PGM5: variants seen among roughly 807,000 people sequenced by gnomAD.
The protein encoded by PGM5 is phosphoglucomutase-like protein 5.
Under a neutral mutation model 59.2 loss-of-function variants are expected in PGM5, and 23 were observed. The ratio of observed to expected loss-of-function variants is 0.39; its 90% CI spans 0.28 to 0.55. The LOEUF (loss-of-function observed/expected upper bound fraction) is 0.55, where lower values mean the gene tolerates loss of function less well. PGM5 is among the 20% of genes least tolerant of loss of function. The pLI is 0.66. For synonymous variants in PGM5, 214 were observed against 286.0 expected (o/e 0.75, Z 2.54); for missense variants, 574 against 748.3 (o/e 0.77, Z 2.72).
chr9:68,514,782 T>C (rs1824800982), intron 10 of PGM5, among the ~76,000 whole-genome samples: 1 of 152,106 alleles, frequency 6.6e-6, no homozygotes, highest in Non-Finnish European at 1.5e-5. Context: ...TTTATAGGGG[T>C]GCCTGGCCTC....
At chr9:68,408,800 C>T (rs569707375) in intron 6 of PGM5, among the ~76,000 whole-genome samples, 1 of 152,298 alleles carries the variant, frequency 6.6e-6, no homozygotes, top group Admixed American at 6.5e-5. Flanking sequence ...TATGACTAGC[C>T]AGTTTTCCCA....
chr9:68,369,905 C>T (rs1381453630), intron 1 of PGM5, among the ~76,000 whole-genome samples: 3 of 152,138 alleles, frequency 2.0e-5, no homozygotes, highest in Non-Finnish European at 2.9e-5. Flanking sequence ...TGGATAACCA[C>T]ATTCATGCCT....
chr9:68,487,546 A>G lies in PGM5; in HGVS notation c.1479+3498A>G, dbSNP rs144649799. ...GTAATAATCAGTGTGCCCTAGGGTT[A>G]GAAAACCCTCACCCAACTCTTCTAT... On this transcript the variant is annotated intron_variant, in intron 9 of 10. Coordinates refer to ENST00000396396, the MANE Select transcript of PGM5 (RefSeq NM_021965.4). Among the ~76,000 whole-genome samples, 13 of 152,056 alleles carry G rather than the reference A, an allele frequency of 8.5e-5. No homozygotes were observed. In the East Asian group the frequency reaches 1.9e-3, roughly 23 times the overall value.
intron 6 of PGM5, chr9:68,395,745 T>C (rs1181163859): frequency 2.6e-5 from 4 of 152,182 alleles, no homozygotes; most frequent in African/African-American, 9.7e-5. Flanking sequence ...TTGCTGCTGG[T>C]GCTTTTTTGT....
chr9:68,450,279 C>CA lies in PGM5; in HGVS notation c.1044-14807dup, dbSNP rs113337856. Reference sequence around the variant, plus strand: ...AAAACAAAAACAAAAACAAAACAAACAAAAAAACCACTGCTTTTAAGTACT... The same window carrying CA: ...AAAACAAAAACAAAAACAAAACAAACAAAAAAAACCACTGCTTTTAAGTACT... On this transcript the variant is annotated intron_variant, in intron 6 of 10. Coordinates refer to ENST00000396396, the MANE Select transcript of PGM5 (RefSeq NM_021965.4). 3.0e-3 allele frequency among the ~76,000 whole-genome samples: 453 copies of CA among 152,094 alleles called. 4 individuals carry two copies. Among genetic ancestry groups the CA allele is most frequent in the African/African-American group, 8.6e-3 (357 of 41,490 alleles).
At chr9:68,528,155 T>G (rs1195457568) in intron 10 of PGM5, among the ~76,000 whole-genome samples, 1 of 152,244 alleles carries the variant, frequency 6.6e-6, no homozygotes, top group Non-Finnish European at 1.5e-5. Context: ...TACAGAATTT[T>G]TGTTTCTTCC....
Position 68,453,584 on chromosome 9 carries a change from T to C in PGM5, c.1044-11509T>C, listed in dbSNP as rs1215379614. 2.0e-5 allele frequency among the ~76,000 whole-genome samples: 3 copies of C among 152,270 alleles called. No individual in the cohort carries two copies. In the East Asian group the frequency reaches 5.8e-4, roughly 29 times the overall value. ...ACTCCTGGGCTCAAGCTATCCCCCC[T>C]CCTTGGCCTCCCAAAGTGTTGGGAT... On this transcript the variant is annotated intron_variant, in intron 6 of 10. Coordinates refer to ENST00000396396, the MANE Select transcript of PGM5 (RefSeq NM_021965.4).
At chr9:68,440,950 A>T (rs1554683654) in intron 6 of PGM5, among the ~76,000 whole-genome samples, 1 of 152,078 alleles carries the variant, frequency 6.6e-6, no homozygotes, top group Admixed American at 6.5e-5. Flanking sequence ...GAAGACACAA[A>T]TTATAAACAT....
intron 9 of PGM5, among the ~76,000 whole-genome samples, chr9:68,487,596 C>T (rs1396236392): frequency 6.6e-6 from 1 of 151,888 alleles, no homozygotes; most frequent in Non-Finnish European, 1.5e-5. Flanking sequence ...AAGTACTTTG[C>T]AGTAAAATTT....
intron 1 of PGM5, among the ~76,000 whole-genome samples, chr9:68,374,012 C>T (rs1326738999): frequency 1.3e-5 from 2 of 152,304 alleles, no homozygotes; most frequent in Non-Finnish European, 2.9e-5. Flanking sequence ...TGTCCAAATG[C>T]ACCATGTGGC....
chr9:68,376,792 T>C (rs1187872677), intron 1 of PGM5, among the ~76,000 whole-genome samples: 1 of 106,066 alleles, frequency 9.4e-6, no homozygotes, highest in Non-Finnish European at 1.9e-5. Context: ...TTTCTTTCTT[T>C]CTTTCTTTCT....
At chr9:68,367,285 G>A (rs1554676776) in intron 1 of PGM5, among the ~76,000 whole-genome samples, 1 of 150,842 alleles carries the variant, frequency 6.6e-6, no homozygotes, top group African/African-American at 2.4e-5. Flanking sequence ...GGCTCAGGCT[G>A]TGTTAAGAGC....
At chr9:68,372,825 G>A (rs1367999599) in intron 1 of PGM5, among the ~76,000 whole-genome samples, 2 of 152,048 alleles carry the variant, frequency 1.3e-5, no homozygotes, top group African/African-American at 4.8e-5. Flanking sequence ...AAGAGTGGGA[G>A]CAAGAGAACA....
chr9:68,489,044 G>A (rs1215419563), intron 9 of PGM5, among the ~76,000 whole-genome samples: 3 of 152,072 alleles, frequency 2.0e-5, no homozygotes, highest in Non-Finnish European at 4.4e-5. Flanking sequence ...AAACATCGAG[G>A]GTTTCCATCC....
chr9:68,362,557 T>C (rs1834596127), intron 1 of PGM5, among the ~76,000 whole-genome samples: 1 of 152,164 alleles, frequency 6.6e-6, no homozygotes, highest in Non-Finnish European at 1.5e-5. Flanking sequence ...TTTAAACGAA[T>C]TGTGGTTAAG....
intron 1 of PGM5, among the ~76,000 whole-genome samples, chr9:68,374,775 A>C (rs1283300519): frequency 1.3e-5 from 2 of 152,238 alleles, no homozygotes; most frequent in Non-Finnish European, 2.9e-5. Flanking sequence ...TATACTTACC[A>C]TATGCCAGAT....
intron 10 of PGM5, among the ~76,000 whole-genome samples, chr9:68,517,625 G>A (rs2132116978): frequency 6.6e-6 from 1 of 152,282 alleles, no homozygotes; most frequent in East Asian, 1.9e-4. Flanking sequence ...TAATATGTGA[G>A]CTCAAGGTTG....
At chr9:68,457,981 T>G (rs1214174536) in intron 6 of PGM5, among the ~76,000 whole-genome samples, 6 of 152,212 alleles carry the variant, frequency 3.9e-5, no homozygotes, top group African/African-American at 1.4e-4. Context: ...GCTGGAGCAC[T>G]TGAGACTTAA....
At chr9:68,399,439 C>T (rs1362385188) in intron 6 of PGM5, among the ~76,000 whole-genome samples, 1 of 152,232 alleles carries the variant, frequency 6.6e-6, no homozygotes, top group Non-Finnish European at 1.5e-5. Context: ...TAAATTCCTG[C>T]ATCTTCAAAT....
Sources: gnomAD v4.1 joint callset for allele counts (sites outside exome capture counted in the v4.1 genomes callset) on GRCh38, gnomAD v4.1.1 for gene constraint, MANE v1.5 for transcripts, NCBI Gene and HGNC (gene_info 2026-07-23, HGNC 2026-07-21) for gene names.